The following TNKS variants were observed in gnomAD, a reference collection of about 807,000 sequenced individuals.
TNKS encodes poly [ADP-ribose] polymerase tankyrase-1.
Under a neutral mutation model 135.8 loss-of-function variants are expected in TNKS, and 72 were observed. The observed-to-expected ratio is 0.53, with a 90% CI of 0.44 to 0.64. The LOEUF is 0.64. TNKS is among the 30% of genes least tolerant of loss of function. The probability of loss-of-function intolerance (pLI) is 0.00; values close to 1 mark genes in which losing one functional copy is unlikely to be tolerated. For missense variants in TNKS, 1,769 were observed against 1,674.0 expected (o/e 1.06, Z -0.99); for synonymous variants, 849 against 649.3 (o/e 1.31, Z -4.68).
chr8:9,598,765 G>GTATATA (rs71201956), intron 2 of TNKS, among the ~76,000 whole-genome samples: 119 of 49,492 alleles, frequency 2.4e-3, no homozygotes, highest in East Asian at 4.1e-3. Flanking sequence ...ATGTGTGTGT[G>GTATATA]TATATATATA....
intron 12 of TNKS, among the ~76,000 whole-genome samples, chr8:9,725,320 C>G (rs553529803): frequency 1.3e-5 from 2 of 152,218 alleles, no homozygotes; most frequent in Non-Finnish European, 2.9e-5. Context: ...TCAACATTTC[C>G]ACAAATTAAA....
intron 3 of TNKS, among the ~76,000 whole-genome samples, chr8:9,669,424 CAAAAA>C (rs536063027): frequency 2.1e-5 from 2 of 94,888 alleles, no homozygotes; most frequent in Non-Finnish European, 4.3e-5. Flanking sequence ...GACTCCGCCT[CAAAAA>C]AAAAAAAAAA....
chr8:9,706,739 T>G (rs979638695), intron 7 of TNKS, 72 bp from the exon 8 acceptor site: 32 of 1,414,660 alleles, frequency 2.3e-5, no homozygotes, highest in South Asian at 2.2e-4. Flanking sequence ...TACAAAGAAA[T>G]AAATGTCTTT....
At position 9,710,443 on chromosome 8, in the gene TNKS, G is replaced by C. The variant is rs1804268762; in HGVS notation, c.1749+223G>C. The C allele has an allele frequency of 5.1e-6, 3 of 584,040 alleles. No homozygotes were observed. The South Asian group carries it at 6.8e-5, about 13-fold the overall frequency. The allele number at this position is 584,040 out of a possible 1,614,324, so 36.2% of individuals were successfully genotyped here. On this transcript the variant is annotated intron_variant, in intron 11 of 26. Transcript: ENST00000310430. The stretch of plus-strand genomic sequence containing the variant: ...TCCTTTAATGTCACCCTTCTGTAAA[G>C]CAACAAAATATAGCTATAGTCATTT...
At chr8:9,668,746 A>G (rs1802124166) in intron 3 of TNKS, among the ~76,000 whole-genome samples, 1 of 152,210 alleles carries the variant, frequency 6.6e-6, no homozygotes, top group Non-Finnish European at 1.5e-5. Flanking sequence ...ATGAGCAAAG[A>G]CATTCAGGAA....
At chr8:9,749,325 G>T (rs1425228812) in intron 18 of TNKS, among the ~76,000 whole-genome samples, 1 of 152,114 alleles carries the variant, frequency 6.6e-6, no homozygotes. Context: ...TCATCACTGG[G>T]TCCTTAGCAA....
chr8:9,631,723 C>G (rs1800296468), intron 3 of TNKS, among the ~76,000 whole-genome samples: 1 of 150,102 alleles, frequency 6.7e-6, no homozygotes, highest in African/African-American at 2.4e-5. Flanking sequence ...TAAGTCTTTT[C>G]CAAAATAACG....
rs1293224433 is a variant in TNKS, at chr8:9,763,233, G to T, written c.3361G>T (p.Val1121Leu). ...LAPEDKEYQS[V>L]EEEMQSTIRE... is the part of the protein sequence containing the mutation. Reference sequence around the variant, plus strand: ...TCCAGAAGATAAAGAATATCAGTCAGTGGAAGAAGAGGTAATATACATCAG... The same window carrying T: ...TCCAGAAGATAAAGAATATCAGTCATTGGAAGAAGAGGTAATATACATCAG... Residue 1121 changes from valine (V) to leucine (L), a missense_variant, in exon 22 of 27, where the codon GTG becomes TTG. By Grantham distance (32) the Val-to-Leu change is conservative. Around this residue, in one of 5 missense-constraint regions of TNKS, gnomAD observed 722 missense variants for 688.9 expected, o/e 1.05. Transcript: ENST00000310430. 2 of 1,603,434 alleles carry T rather than the reference G, an allele frequency of 1.2e-6. No homozygotes were observed. Among genetic ancestry groups the T allele is most frequent in the Non-Finnish European group, 1.7e-6 (2 of 1,171,646 alleles).
intron 12 of TNKS, among the ~76,000 whole-genome samples, chr8:9,724,952 A>G (rs897891793): frequency 3.8e-5 from 3 of 77,948 alleles, no homozygotes; most frequent in Non-Finnish European, 9.7e-5. Flanking sequence ...AAAAATACTC[A>G]GTTATAACTC....
chr8:9,606,103 G>GTT (rs1799207562), intron 2 of TNKS, among the ~76,000 whole-genome samples: 1 of 148,664 alleles, frequency 6.7e-6, no homozygotes, highest in African/African-American at 2.5e-5. Flanking sequence ...CAAGTCTGTA[G>GTT]TCCAGTTTGA....
At chr8:9,568,633 T>G (rs1797640295) in intron 1 of TNKS, among the ~76,000 whole-genome samples, 1 of 152,204 alleles carries the variant, frequency 6.6e-6, no homozygotes, top group South Asian at 2.1e-4. Context: ...GCAAGTCACT[T>G]TAATGTCTGG....
At chr8:9,721,047 C>G (rs1030213367) in intron 12 of TNKS, among the ~76,000 whole-genome samples, 2 of 151,694 alleles carry the variant, frequency 1.3e-5, no homozygotes, top group African/African-American at 2.4e-5. Flanking sequence ...TTTGGGATGC[C>G]GAGGCAGGCA....
chr8:9,631,679 CT>C (rs902958163), intron 3 of TNKS, among the ~76,000 whole-genome samples: 2 of 149,902 alleles, frequency 1.3e-5, no homozygotes, highest in African/African-American at 4.9e-5. Context: ...TTTTCCAACT[CT>C]TTTTTTGACT....
At chr8:9,674,189 G>C (rs979278179) in intron 3 of TNKS, among the ~76,000 whole-genome samples, 4 of 152,152 alleles carry the variant, frequency 2.6e-5, no homozygotes, top group Non-Finnish European at 4.4e-5. Context: ...ATACAGGATG[G>C]AAGTTTAAGA....
At chr8:9,753,293 G>A (rs918128511) in intron 20 of TNKS, among the ~76,000 whole-genome samples, 4 of 152,156 alleles carry the variant, frequency 2.6e-5, no homozygotes, top group African/African-American at 9.7e-5. Context: ...GGCTCCTGAA[G>A]CAGTTGCCCA....
At chr8:9,634,903 C>T (rs28449585) in intron 3 of TNKS, among the ~76,000 whole-genome samples, 1 of 152,098 alleles carries the variant, frequency 6.6e-6, no homozygotes, top group Admixed American at 6.5e-5. Flanking sequence ...CTCGGCCGGG[C>T]GCGGTGGCTC....
intron 11 of TNKS, among the ~76,000 whole-genome samples, chr8:9,715,367 G>C (rs934584977): frequency 2.9e-4 from 44 of 151,000 alleles, no homozygotes; most frequent in African/African-American, 9.7e-4. Flanking sequence ...AGCAGGGGGG[G>C]CGGGTATGAT....
intron 2 of TNKS, among the ~76,000 whole-genome samples, chr8:9,611,484 A>T (rs187253533): frequency 2.0e-5 from 3 of 152,354 alleles, no homozygotes; most frequent in African/African-American, 7.2e-5. Context: ...GTTTTATATT[A>T]GTGTGCTATC....
At position 9,751,839 on chromosome 8, in the gene TNKS, A is replaced by G. The variant is rs778451471; in HGVS notation, c.3063A>G (p.Glu1021=). ...GDGAAGTERK[E]GEVAGLDMNI... ...GCGCCGCGGGAACAGAAAGGAAGGAAGGAGAAGGTGAGTAGACCCCATGAA... is the reference window on the plus strand; with the variant it reads ...GCGCCGCGGGAACAGAAAGGAAGGAGGGAGAAGGTGAGTAGACCCCATGAA... The change falls in exon 19 of 27, where the codon GAA becomes GAG. Residue 1021 remains glutamate, a synonymous_variant. Transcript: ENST00000310430. 1.2e-6 allele frequency: 2 copies of G among 1,614,156 alleles called. No individual in the cohort carries two copies.
Sources: gnomAD v4.1 joint callset for allele counts (sites outside exome capture counted in the v4.1 genomes callset) on GRCh38, gnomAD v4.1.1 for gene constraint, gnomAD v4.1.1 regional missense constraint, MANE v1.5 for transcripts, NCBI Gene and HGNC (gene_info 2026-07-23, HGNC 2026-07-21) for gene names.